The following IQGAP3 variants were observed in gnomAD, a reference collection of about 807,000 sequenced individuals.
IQGAP3 encodes IQ motif containing GTPase activating protein 3.
Under a neutral mutation model 208.2 loss-of-function variants are expected in IQGAP3, and 165 were observed. The observed-to-expected ratio is 0.79, with a 90% confidence interval of 0.70 to 0.90. The LOEUF is 0.90. IQGAP3 is among the 40% of genes least tolerant of loss of function. IQGAP3 has a pLI of 0.00. For missense variants in IQGAP3, 1,811 were observed against 2,043.1 expected (o/e 0.89, Z 2.19); for synonymous variants, 703 against 803.6 (o/e 0.87, Z 2.12).
chr1:156,543,948 C>G (rs1390633542), intron 22 of IQGAP3, 33 bp downstream of exon 22: 1 of 1,604,916 alleles, frequency 6.2e-7, no homozygotes, highest in South Asian at 1.1e-5. Context: ...CTCTCCCTCC[C>G]AACAGCTGGG....
chr1:156,530,323 G>GTA lies in IQGAP3; in HGVS notation c.4192-7_4192-6insTA. ...AGCTGCTTGTGGGCTGCTTCCTGGG[G>GTA]ACACACAGACGCTGGAGGGGTCTAC... On this transcript the variant is annotated splice_region_variant and splice_polypyrimidine_tract_variant and intron_variant, in intron 33 of 37. Coordinates refer to ENST00000361170, the MANE Select transcript of IQGAP3 (RefSeq NM_178229.5). 6.2e-7 allele frequency: 1 copy of GTA among 1,604,176 alleles called. No individual in the cohort carries two copies. The highest frequency in any genetic ancestry group is 8.5e-7 in the Non-Finnish European group (1 of 1,179,276).
intron 34 of IQGAP3, 43 bp from the exon 35 acceptor site, chr1:156,529,125 G>A (rs1164381505): frequency 5.6e-6 from 9 of 1,603,910 alleles, no homozygotes; most frequent in Non-Finnish European, 7.7e-6. Context: ...GTCCTTCCTG[G>A]CAGGAGAGCC....
At position 156,563,295 on chromosome 1, in the gene IQGAP3, CA is replaced by C. The variant is rs1259703375; in HGVS notation, c.636del (p.Ala213ProfsTer67). Reference sequence around the variant, plus strand: ...CCTCGCTCCACTGCTTCATTGATGGCAAGAACAGCTGCATGGACTGGGAGAG... The same window carrying C: ...CCTCGCTCCACTGCTTCATTGATGGCAGAACAGCTGCATGGACTGGGAGAG... Reference protein sequence around the residue: ...VDEAAVHAAVLAINEAVERGV... With the variant: ...VDEAAVHAAVXAINEAVERGV... On this transcript the variant is annotated frameshift_variant, in exon 8 of 38. Coordinates refer to ENST00000361170, the MANE Select transcript of IQGAP3 (RefSeq NM_178229.5). LOFTEE classifies it high-confidence loss of function. The C allele has an allele frequency of 1.9e-6, 3 of 1,602,870 alleles. No homozygotes were observed. The highest frequency in any genetic ancestry group is 2.6e-6 in the Non-Finnish European group (3 of 1,172,366).
At chr1:156,570,621 G>GC (rs1361062949) in intron 1 of IQGAP3, among the ~76,000 whole-genome samples, 2 of 152,040 alleles carry the variant, frequency 1.3e-5, no homozygotes, top group African/African-American at 4.8e-5. Flanking sequence ...TCCCACCTCA[G>GC]CCCCCCCACC....
intron 22 of IQGAP3, among the ~76,000 whole-genome samples, chr1:156,543,716 C>T (rs115130243): frequency 6.6e-6 from 1 of 152,192 alleles, no homozygotes. Flanking sequence ...CCTTTTCTTT[C>T]TGCTTTGGTG....
intron 12 of IQGAP3, among the ~76,000 whole-genome samples, chr1:156,555,358 G>T (rs1214678046): frequency 1.3e-5 from 2 of 152,086 alleles, no homozygotes; most frequent in African/African-American, 4.8e-5. Context: ...GAGTAGCTGG[G>T]ATTTCAGGCA....
intron 7 of IQGAP3, 56 bp from the exon 8 acceptor site, chr1:156,563,368 C>G (rs767719165): frequency 6.6e-7 from 1 of 1,520,306 alleles, no homozygotes; most frequent in South Asian, 1.3e-5. Context: ...CAGATTGGAG[C>G]GCAACCAGTA....
At chr1:156,527,441 G>A (rs1019452642) in intron 37 of IQGAP3, among the ~76,000 whole-genome samples, 5 of 152,050 alleles carry the variant, frequency 3.3e-5, no homozygotes, top group South Asian at 2.1e-4. Context: ...TTGCGCCATT[G>A]CACTCCAGCC....
chr1:156,547,974 G>A (rs1353867876), intron 19 of IQGAP3, 99 bp downstream of exon 19: 23 of 1,128,214 alleles, frequency 2.0e-5, no homozygotes, highest in Middle Eastern at 2.0e-4. Context: ...TTCAGAGGCC[G>A]AAAGGTCATT....
rs535568979 is a variant in IQGAP3, at chr1:156,552,388, A to G, written c.1449-293T>C. On this transcript the variant is annotated intron_variant, in intron 13 of 37. Transcript: ENST00000361170. ...TAACACCATATGCTCCCGAAAGCAC[A>G]CCTCCAGCCCATTCATTTATCCCAG... 1.1e-4 allele frequency among the ~76,000 whole-genome samples: 17 copies of G among 152,052 alleles called. 1 individual carries two copies. The South Asian group carries it at 3.5e-3, about 32-fold the overall frequency.
chr1:156,526,252 T>A lies in IQGAP3; in HGVS notation c.*234A>T. 1.9e-6 allele frequency: 1 copy of A among 531,214 alleles called. No homozygotes were observed. Among genetic ancestry groups the A allele is most frequent in the Non-Finnish European group, 3.4e-6 (1 of 294,282 alleles). 32.9% of individuals were successfully genotyped at this position (531,214 alleles called of 1,614,324 possible). A position where few individuals can be genotyped will look rare whatever the true frequency, so the allele number is the denominator to read the frequency against. ...TGGCAGGAAAGCCAGGGGTTTGTCA[T>A]GCATGATAAAAGCCACACAGCTGGA... On this transcript the variant is annotated 3_prime_UTR_variant, in exon 38 of 38. Coordinates refer to ENST00000361170, the MANE Select transcript of IQGAP3 (RefSeq NM_178229.5).
intron 37 of IQGAP3, among the ~76,000 whole-genome samples, chr1:156,527,716 G>C (rs943581881): frequency 6.6e-6 from 1 of 152,198 alleles, no homozygotes; most frequent in Non-Finnish European, 1.5e-5. Context: ...TCTGACACCA[G>C]TAGCCCACTC....
chr1:156,561,766 T>C (rs1354789750), intron 10 of IQGAP3, 72 bp downstream of exon 10: 5 of 1,454,184 alleles, frequency 3.4e-6, no homozygotes, highest in African/African-American at 1.4e-5. Context: ...ACAGTGGTGA[T>C]CTTTGAGTAA....
intron 22 of IQGAP3, among the ~76,000 whole-genome samples, chr1:156,541,518 A>T (rs1473552496): frequency 2.0e-5 from 3 of 152,182 alleles, no homozygotes; most frequent in African/African-American, 7.2e-5. Flanking sequence ...AATTTATTGG[A>T]AATAACAACA....
chr1:156,532,869 G>T, intron 32 of IQGAP3, 111 bp downstream of exon 32: 1 of 1,190,350 alleles, frequency 8.4e-7, no homozygotes, highest in African/African-American at 1.5e-5. Flanking sequence ...CTTCCTGAAG[G>T]ATAAGGGAGC....
chr1:156,555,459 C>G (rs908017385), intron 12 of IQGAP3, among the ~76,000 whole-genome samples: 17 of 152,190 alleles, frequency 1.1e-4, no homozygotes, highest in Non-Finnish European at 2.5e-4. Context: ...CTCCTGGCCT[C>G]AAGTGATCTG....
At chr1:156,563,016 G>A in intron 8 of IQGAP3, 118 bp downstream of exon 8, 1 of 822,342 alleles carries the variant, frequency 1.2e-6, no homozygotes, top group South Asian at 1.8e-5. Flanking sequence ...GATAAATTAT[G>A]GTTTCTCTAA....
chr1:156,533,453 A>C (rs1357869622), intron 31 of IQGAP3, among the ~76,000 whole-genome samples: 1 of 152,056 alleles, frequency 6.6e-6, no homozygotes, highest in East Asian at 1.9e-4. Context: ...TCCTCCCAGT[A>C]AGTTGGCTTC....
In IQGAP3 at chr1:156,548,058, G is replaced by A; in HGVS notation, c.2304+15C>T. ...AGCCCAGGCCCTGAAGACTGAGAAAGCCAGAGCCTGCCACCTGGATCTTGA... is the reference window on the plus strand; with the variant it reads ...AGCCCAGGCCCTGAAGACTGAGAAAACCAGAGCCTGCCACCTGGATCTTGA... On this transcript the variant is annotated intron_variant, in intron 19 of 37. Coordinates refer to ENST00000361170, the MANE Select transcript of IQGAP3 (RefSeq NM_178229.5). 1 of 1,609,342 alleles carries A rather than the reference G, an allele frequency of 6.2e-7. No individual in the cohort carries two copies. Among genetic ancestry groups the A allele is most frequent in the Non-Finnish European group, 8.5e-7 (1 of 1,177,598 alleles).
Sources: allele counts gnomAD v4.1 joint callset (sites outside exome capture counted in the v4.1 genomes callset), GRCh38; gene constraint gnomAD v4.1.1; transcripts MANE v1.5; gene names NCBI Gene and HGNC (gene_info 2026-07-23, HGNC 2026-07-21).